GPAT4: variants seen among roughly 807,000 people sequenced by gnomAD.
The protein encoded by GPAT4 is 1-AGP acyltransferase 6.
Under a neutral mutation model 58.0 loss-of-function variants are expected in GPAT4, and 17 were observed. The ratio of observed to expected loss-of-function variants is 0.29; its 90% confidence interval spans 0.20 to 0.44. The LOEUF is 0.44. Ranked by LOEUF, GPAT4 falls within the 20% of genes least tolerant of loss-of-function variation. The pLI is 1.00. For synonymous variants in GPAT4, 204 were observed against 210.1 expected (o/e 0.97, Z 0.25); for missense variants, 377 against 574.5 (o/e 0.66, Z 3.51).
rs1162456670 is a variant in GPAT4, at chr8:41,598,983, C to A, written c.-157C>A. ...TTCTGTCATTCTGTTCCCAGGCCTT[C>A]TATTCAGGCGGTTGAAGGGTGTGGA... is the stretch of plus-strand genomic sequence containing the variant. On this transcript the variant is annotated 5_prime_UTR_variant, in exon 2 of 13. Transcript: ENST00000396987. 1 of 952,464 alleles carries A rather than the reference C, an allele frequency of 1.0e-6. No individual in the cohort carries two copies. The allele number at this position is 952,464 out of a possible 1,614,324, so 59.0% of individuals were successfully genotyped here. A position where few individuals can be genotyped will look rare whatever the true frequency, so the allele number is the denominator to read the frequency against.
intron 2 of GPAT4, among the ~76,000 whole-genome samples, chr8:41,605,266 A>G (rs1803227197): frequency 6.6e-6 from 1 of 152,200 alleles, no homozygotes; most frequent in South Asian, 2.1e-4. Flanking sequence ...ATCTATAACT[A>G]ACTCAGAATG....
intron 3 of GPAT4, 64 bp from the exon 4 acceptor site, chr8:41,609,591 C>T: frequency 6.2e-7 from 1 of 1,602,458 alleles, no homozygotes; most frequent in African/African-American, 1.3e-5. Context: ...AGGATGTGTG[C>T]TCTGAGTATG....
chr8:41,612,648 A>G (rs1005046204), intron 7 of GPAT4, 197 bp from the exon 8 acceptor site: 1 of 579,664 alleles, frequency 1.7e-6, no homozygotes, highest in South Asian at 2.2e-5. Context: ...ACCTATTTCT[A>G]GTATTACTGA....
intron 1 of GPAT4, among the ~76,000 whole-genome samples, chr8:41,581,590 T>G (rs999790172): frequency 3.3e-5 from 5 of 151,256 alleles, no homozygotes; most frequent in African/African-American, 1.2e-4. Flanking sequence ...GGGTCGGAAT[T>G]ACAGACATGA....
intron 1 of GPAT4, among the ~76,000 whole-genome samples, chr8:41,588,691 CTG>C (rs1802716475): frequency 6.6e-6 from 1 of 152,238 alleles, no homozygotes; most frequent in Non-Finnish European, 1.5e-5. Flanking sequence ...CTGGCACACA[CTG>C]TGTGCCCAGT....
At chr8:41,617,826 A>G (rs143446564) in intron 10 of GPAT4, among the ~76,000 whole-genome samples, 3 of 152,282 alleles carry the variant, frequency 2.0e-5, no homozygotes, top group Admixed American at 6.5e-5. Flanking sequence ...TGCCTTGTGT[A>G]CAGGATCCCT....
At chr8:41,584,713 T>C (rs924133681) in intron 1 of GPAT4, 2 of 152,224 alleles carry the variant, frequency 1.3e-5, no homozygotes, top group African/African-American at 4.8e-5. Context: ...GCAAATCAAA[T>C]TGTCATCATC....
In GPAT4 at chr8:41,601,609, A is replaced by G. The variant is rs139224700; in HGVS notation, c.165+2305A>G. Among the ~76,000 whole-genome samples the G allele has an allele frequency of 4.5e-4, 68 of 152,326 alleles. 1 individual carries two copies. Among genetic ancestry groups the G allele is most frequent in the African/African-American group, 1.5e-3 (63 of 41,576 alleles). The stretch of plus-strand genomic sequence containing the variant: ...AATTCATGGACCTATGGAAGTTGTA[A>G]TTATTAAAAGGTAGAAGTAAGAGTT... On this transcript the variant is annotated intron_variant, in intron 2 of 12. Transcript: ENST00000396987.
chr8:41,602,654 C>A (rs567127640), intron 2 of GPAT4, among the ~76,000 whole-genome samples: 4 of 152,194 alleles, frequency 2.6e-5, no homozygotes, highest in Non-Finnish European at 5.9e-5. Context: ...ATCTGTGTAT[C>A]TGTCTAAAAT....
rs1177491174 is a variant in GPAT4, at chr8:41,621,751, G to A, written c.*750G>A. ...AATGGTGGTGATTCCTACCTCACAG[G>A]GCTGTTGTGGGGATTAAAGTGCTGC... On this transcript the variant is annotated 3_prime_UTR_variant, in exon 13 of 13. Coordinates refer to ENST00000396987, the MANE Select transcript of GPAT4 (RefSeq NM_178819.4). 2 of 152,318 alleles carry A rather than the reference G, an allele frequency of 1.3e-5. No homozygotes were observed. The highest frequency in any genetic ancestry group is 4.8e-5 in the African/African-American group (2 of 41,428). 9.4% of individuals were successfully genotyped at this position (152,318 alleles called of 1,614,324 possible).
At chr8:41,607,729 A>G (rs902788171) in intron 2 of GPAT4, among the ~76,000 whole-genome samples, 3 of 151,916 alleles carry the variant, frequency 2.0e-5, no homozygotes, top group Non-Finnish European at 2.9e-5. Context: ...GGATTTTGCC[A>G]TGTTGCCCAG....
chr8:41,623,025 T>A lies in GPAT4; in HGVS notation c.*2024T>A, dbSNP rs1284263918. 1 of 117,722 alleles carries A rather than the reference T, an allele frequency of 8.5e-6. No individual in the cohort carries two copies. The highest frequency in any genetic ancestry group is 1.8e-5 in the Non-Finnish European group (1 of 54,566). 7.3% of individuals were successfully genotyped at this position (117,722 alleles called of 1,614,324 possible). On this transcript the variant is annotated 3_prime_UTR_variant, in exon 13 of 13. Coordinates refer to ENST00000396987, the MANE Select transcript of GPAT4 (RefSeq NM_178819.4). Reference sequence around the variant, plus strand: ...TTCGTGATTTGCATAGGTATTTATATATACACACACACACAGGTTTTGCTT... The same window carrying A: ...TTCGTGATTTGCATAGGTATTTATAAATACACACACACACAGGTTTTGCTT...
In GPAT4 at chr8:41,599,221, G is replaced by T; in HGVS notation, c.82G>T (p.Val28Phe). ...GACTGTCCTCTTCACCCTCCTTCTC[G>T]TTTTCATCATAGTGCCAGCCATTTT... is the stretch of plus-strand genomic sequence containing the variant. ...SLTVLFTLLL[V>F]FIIVPAIFGV... The change falls in exon 2 of 13, where the codon GTT becomes TTT. Residue 28 changes from valine (V) to phenylalanine (F), a missense_variant. Val to Phe is a conservative substitution (Grantham distance 50, BLOSUM62 -1). Transcript: ENST00000396987. 1.9e-6 allele frequency: 3 copies of T among 1,613,938 alleles called. No homozygotes were observed. The African/African-American group carries it at 4.0e-5, about 22-fold the overall frequency.
At position 41,624,354 on chromosome 8, in the gene GPAT4, C is replaced by A. The variant is rs1803849381; in HGVS notation, c.*3353C>A. 1 of 152,248 alleles carries A rather than the reference C, an allele frequency of 6.6e-6. No homozygotes were observed. The highest frequency in any genetic ancestry group is 1.5e-5 in the Non-Finnish European group (1 of 68,056). 9.4% of individuals were successfully genotyped at this position (152,248 alleles called of 1,614,324 possible). ...GTGCCATCGTGTGACCTTCACGGCA[C>A]AGCAAACAGTGGGCACTAACCCTGT... On this transcript the variant is annotated 3_prime_UTR_variant, in exon 13 of 13. Transcript: ENST00000396987.
chr8:41,597,626 C>T (rs988384687), intron 1 of GPAT4, among the ~76,000 whole-genome samples: 4 of 151,936 alleles, frequency 2.6e-5, no homozygotes, highest in Admixed American at 6.6e-5. Context: ...CCTGGTTATT[C>T]GTTACAACAT....
intron 1 of GPAT4, among the ~76,000 whole-genome samples, chr8:41,582,481 T>TCACACA (rs1472719417): frequency 7.5e-6 from 1 of 132,946 alleles, no homozygotes; most frequent in Non-Finnish European, 1.6e-5. Context: ...ACACACATCT[T>TCACACA]TCTTTCTTTC....
At chr8:41,587,733 C>CCTTGGTTGGGAACCA (rs1802693595) in intron 1 of GPAT4, among the ~76,000 whole-genome samples, 1 of 152,192 alleles carries the variant, frequency 6.6e-6, no homozygotes, top group Non-Finnish European at 1.5e-5. Context: ...GTAAAAAAAT[C>CCTTGGTTGGGAACCA]ACCCTTGGTT....
intron 1 of GPAT4, among the ~76,000 whole-genome samples, chr8:41,596,543 G>A (rs1005605029): frequency 3.3e-5 from 5 of 152,194 alleles, no homozygotes; most frequent in East Asian, 3.9e-4. Context: ...GTTCCTTCCC[G>A]GTGTTCAGCC....
At chr8:41,591,638 C>T (rs1473774570) in intron 1 of GPAT4, among the ~76,000 whole-genome samples, 1 of 152,228 alleles carries the variant, frequency 6.6e-6, no homozygotes, top group Non-Finnish European at 1.5e-5. Context: ...AAGCAGGTTC[C>T]TATTACTATT....
Sources: gnomAD v4.1 joint callset for allele counts (sites outside exome capture counted in the v4.1 genomes callset) on GRCh38, gnomAD v4.1.1 for gene constraint, MANE v1.5 for transcripts, NCBI Gene and HGNC (gene_info 2026-07-23, HGNC 2026-07-21) for gene names.